Variants in DRC11 observed in about 807,000 individuals in gnomAD.
DRC11 encodes the protein dynein regulatory complex subunit 11.
chr2:236,379,948 C>T, the DRC11 span, among the ~76,000 whole-genome samples: 1 of 152,242 alleles, frequency 6.6e-6, no homozygotes, highest in Non-Finnish European at 1.5e-5. Context: ...ATTAATAAGA[C>T]CTATGGGAAG....
At chr2:236,481,124 C>T in the DRC11 span, among the ~76,000 whole-genome samples, 1 of 152,234 alleles carries the variant, frequency 6.6e-6, no homozygotes, top group African/African-American at 2.4e-5. Flanking sequence ...AACAGCCATT[C>T]TGACTTTGCA....
the DRC11 span, among the ~76,000 whole-genome samples, chr2:236,478,041 C>A: frequency 3.3e-5 from 5 of 149,582 alleles, no homozygotes; most frequent in African/African-American, 5.0e-5. The surrounding 1 kb of genome is among the most constrained non-coding windows in gnomAD (Gnocchi z 5.9). Flanking sequence ...GTTTTAGTCT[C>A]AATTTCATTT....
the DRC11 span, among the ~76,000 whole-genome samples, chr2:236,380,194 G>A: frequency 2.0e-5 from 3 of 152,260 alleles, no homozygotes; most frequent in South Asian, 4.1e-4. The surrounding 1 kb of genome is among the most constrained non-coding windows in gnomAD (Gnocchi z 4.9). Context: ...TTCCTTCCGC[G>A]GCAGGAGCAA....
At chr2:236,357,232 TG>T in the DRC11 span, among the ~76,000 whole-genome samples, 37 of 116,254 alleles carry the variant, frequency 3.2e-4, no homozygotes, top group Admixed American at 3.2e-3. Flanking sequence ...CTATTATAAA[TG>T]TATATTCATA....
chr2:236,358,415 GAT>G, the DRC11 span, among the ~76,000 whole-genome samples: 1 of 136,092 alleles, frequency 7.3e-6, no homozygotes, highest in Non-Finnish European at 1.6e-5. Flanking sequence ...AAATATATAT[GAT>G]ATATGAATAT....
At chr2:236,428,524 T>C in the DRC11 span, among the ~76,000 whole-genome samples, 1 of 152,214 alleles carries the variant, frequency 6.6e-6, no homozygotes, top group Admixed American at 6.5e-5. Context: ...TGACTTAAAG[T>C]ATATTTTGTC....
At chr2:236,428,511 T>G in the DRC11 span, among the ~76,000 whole-genome samples, 1 of 152,184 alleles carries the variant, frequency 6.6e-6, no homozygotes, top group Non-Finnish European at 1.5e-5. Context: ...TTTTTACAGT[T>G]TTTGACTTAA....
chr2:236,380,617 T>A, the DRC11 span: 1 of 1,551,322 alleles, frequency 6.4e-7, no homozygotes, highest in South Asian at 1.2e-5. The surrounding 1 kb of genome is among the most constrained non-coding windows in gnomAD (Gnocchi z 4.9). Context: ...CTCTTTCTTT[T>A]TGCCTTTCTT....
chr2:236,487,266 A>C, the DRC11 span, among the ~76,000 whole-genome samples: 2 of 152,122 alleles, frequency 1.3e-5, no homozygotes, highest in African/African-American at 2.4e-5. Flanking sequence ...GAAATGTACA[A>C]CTCAAGCTTT....
the DRC11 span, among the ~76,000 whole-genome samples, chr2:236,409,516 A>G: frequency 9.9e-5 from 15 of 152,198 alleles, no homozygotes; most frequent in South Asian, 2.5e-3. Context: ...GGGCTGAGAC[A>G]ATGGGGTTTT....
the DRC11 span, among the ~76,000 whole-genome samples, chr2:236,340,940 G>C: frequency 2.0e-5 from 3 of 152,222 alleles, no homozygotes; most frequent in East Asian, 5.8e-4. Flanking sequence ...CCCCATTCCA[G>C]TGCAGAGCCG....
the DRC11 span, chr2:236,324,913 G>A: frequency 1.6e-6 from 1 of 632,700 alleles, no homozygotes; most frequent in Non-Finnish European, 2.8e-6. The surrounding 1 kb of genome is among the most constrained non-coding windows in gnomAD (Gnocchi z 5.7). Flanking sequence ...TTTAAGGTAT[G>A]CTTGACACAA....
At chr2:236,499,514 C>T in the DRC11 span, among the ~76,000 whole-genome samples, 10 of 152,202 alleles carry the variant, frequency 6.6e-5, no homozygotes, top group Non-Finnish European at 1.0e-4. This position sits in a 1 kb window ranked among gnomAD's most constrained non-coding sequence, Gnocchi z 4.7. Context: ...CTGCAACCTC[C>T]GCCTCCTGGG....
chr2:236,442,724 T>C, the DRC11 span, among the ~76,000 whole-genome samples: 90,094 of 152,130 alleles, frequency 0.59, 29,533 homozygotes, highest in African/African-American at 0.89. Context: ...TTAATAACAC[T>C]ACAGATCTTA....
chr2:236,339,072 G>C, the DRC11 span, among the ~76,000 whole-genome samples: 157 of 152,310 alleles, frequency 1.0e-3, no homozygotes, highest in Non-Finnish European at 1.9e-3. Context: ...CGGGGAAGGA[G>C]AAGCACACCA....
the DRC11 span, among the ~76,000 whole-genome samples, chr2:236,357,831 C>T: frequency 3.3e-5 from 4 of 122,160 alleles, no homozygotes; most frequent in Admixed American, 8.9e-5. Context: ...TATACATATA[C>T]TATATAAATA....
At chr2:236,501,755 T>C in the DRC11 span, among the ~76,000 whole-genome samples, 14 of 152,248 alleles carry the variant, frequency 9.2e-5, 1 homozygote, top group South Asian at 2.9e-3. Flanking sequence ...TCAAGTTGCT[T>C]TGTGAGCTTA....
the DRC11 span, chr2:236,392,309 C>T: frequency 6.3e-7 from 1 of 1,599,618 alleles, no homozygotes; most frequent in Non-Finnish European, 8.5e-7. The surrounding 1 kb of genome is among the most constrained non-coding windows in gnomAD (Gnocchi z 5.1). Flanking sequence ...GGATCATAGT[C>T]CTGAGAGAAA....
At chr2:236,371,609 C>T in the DRC11 span, among the ~76,000 whole-genome samples, 3 of 152,178 alleles carry the variant, frequency 2.0e-5, no homozygotes, top group African/African-American at 7.2e-5. This position sits in a 1 kb window ranked among gnomAD's most constrained non-coding sequence, Gnocchi z 5.1. Flanking sequence ...GAAGCCCTCA[C>T]CTTGTCCTGG....
Sources: gnomAD v4.1 joint callset for allele counts (sites outside exome capture counted in the v4.1 genomes callset) on GRCh38, gnomAD v4.1.1 for gene constraint, Gnocchi (gnomAD v3.1) non-coding constraint, MANE v1.5 for transcripts, NCBI Gene and HGNC (gene_info 2026-07-23, HGNC 2026-07-21) for gene names.